EYA4: variants seen among roughly 807,000 people sequenced by gnomAD.
EYA4 encodes the protein protein phosphatase EYA4.
EYA4 carries 31 observed loss-of-function variants against 87.9 expected under a neutral mutation model. The ratio of observed to expected loss-of-function variants is 0.35; its 90% CI spans 0.27 to 0.48. The LOEUF (loss-of-function observed/expected upper bound fraction) is 0.48, where lower values mean the gene tolerates loss of function less well. EYA4 is among the 20% of genes least tolerant of loss of function. EYA4 has a pLI of 0.99. For missense variants in EYA4, 678 were observed against 761.4 expected (o/e 0.89, Z 1.29); for synonymous variants, 263 against 270.6 (o/e 0.97, Z 0.28).
At chr6:133,389,886 C>T (rs1392235479) in intron 3 of EYA4, among the ~76,000 whole-genome samples, 3 of 152,134 alleles carry the variant, frequency 2.0e-5, no homozygotes, top group Non-Finnish European at 4.4e-5. Context: ...CACCTCACTG[C>T]CACTATGAAA....
intron 13 of EYA4, among the ~76,000 whole-genome samples, chr6:133,491,274 C>T (rs577823055): frequency 2.4e-4 from 36 of 151,676 alleles, no homozygotes; most frequent in Non-Finnish European, 3.7e-4. Flanking sequence ...TCAAATAAAC[C>T]ACCTAATGAT....
chr6:133,242,086 A>C (rs1190543621), intron 1 of EYA4, among the ~76,000 whole-genome samples: 3 of 152,220 alleles, frequency 2.0e-5, no homozygotes, highest in African/African-American at 7.2e-5. Flanking sequence ...CCAGCAGTCC[A>C]GCGCGCGGCT....
At chr6:133,259,816 T>C (rs1775645936) in intron 1 of EYA4, among the ~76,000 whole-genome samples, 1 of 152,210 alleles carries the variant, frequency 6.6e-6, no homozygotes, top group African/African-American at 2.4e-5. Context: ...TGTCACACCT[T>C]GATTCCTGAG....
At chr6:133,407,417 A>G (rs980749984) in intron 3 of EYA4, among the ~76,000 whole-genome samples, 5 of 152,108 alleles carry the variant, frequency 3.3e-5, no homozygotes, top group South Asian at 4.1e-4. Context: ...AACTCTTTCC[A>G]AATCACCAGG....
chr6:133,286,540 A>G (rs191177465), intron 2 of EYA4, among the ~76,000 whole-genome samples: 3 of 152,250 alleles, frequency 2.0e-5, no homozygotes, highest in Admixed American at 6.5e-5. Flanking sequence ...GCAATGAGTT[A>G]TGTCATAGAC....
chr6:133,318,176 A>C (rs1470676562), intron 2 of EYA4, among the ~76,000 whole-genome samples: 1 of 152,178 alleles, frequency 6.6e-6, no homozygotes. Context: ...TTTTTGCTGA[A>C]GCATGGCAAT....
chr6:133,417,797 G>C (rs1176459619), intron 3 of EYA4, among the ~76,000 whole-genome samples: 3 of 152,148 alleles, frequency 2.0e-5, no homozygotes, highest in Admixed American at 2.0e-4. Flanking sequence ...TTAAATGTTT[G>C]CCTAAAGTCA....
At chr6:133,260,169 A>G (rs1775681826) in intron 1 of EYA4, among the ~76,000 whole-genome samples, 1 of 151,596 alleles carries the variant, frequency 6.6e-6, no homozygotes, top group Admixed American at 6.6e-5. Flanking sequence ...CTGTAGTTTC[A>G]CATTCTTAGA....
At chr6:133,385,162 G>T (rs1043865408) in intron 3 of EYA4, among the ~76,000 whole-genome samples, 1 of 151,818 alleles carries the variant, frequency 6.6e-6, no homozygotes, top group African/African-American at 2.4e-5. Flanking sequence ...AGCCAGGCGT[G>T]GTGGCAGGCG....
intron 7 of EYA4, 62 bp from the exon 8 acceptor site, chr6:133,462,273 A>C (rs1371229706): frequency 1.3e-6 from 2 of 1,546,042 alleles, no homozygotes; most frequent in Admixed American, 3.3e-5. Context: ...CACTGAATCT[A>C]GGCTGTCTAA....
intron 3 of EYA4, among the ~76,000 whole-genome samples, chr6:133,388,306 C>T (rs1583143050): frequency 1.3e-5 from 2 of 151,288 alleles, no homozygotes; most frequent in Admixed American, 6.6e-5. Flanking sequence ...ACTTGGGAGG[C>T]TGAGGCACGA....
chr6:133,478,847 T>C (rs1455612287), intron 11 of EYA4, among the ~76,000 whole-genome samples: 1 of 152,188 alleles, frequency 6.6e-6, no homozygotes, highest in African/African-American at 2.4e-5. Flanking sequence ...AGCTGCTGGA[T>C]CCCAGTTCAT....
intron 13 of EYA4, among the ~76,000 whole-genome samples, chr6:133,487,081 G>C (rs1282888434): frequency 6.6e-6 from 1 of 152,180 alleles, no homozygotes; most frequent in African/African-American, 2.4e-5. Context: ...CTGTGCACTT[G>C]GGGGAGGGAG....
chr6:133,341,492 T>A (rs915815827), intron 2 of EYA4, among the ~76,000 whole-genome samples: 1 of 152,172 alleles, frequency 6.6e-6, no homozygotes, highest in Non-Finnish European at 1.5e-5. Context: ...AGTGGAGCCC[T>A]TTATGAAATC....
intron 17 of EYA4, among the ~76,000 whole-genome samples, chr6:133,519,722 T>C (rs562112385): frequency 5.3e-5 from 8 of 150,852 alleles, no homozygotes; most frequent in South Asian, 2.1e-4. Context: ...ATATCCTTGA[T>C]GAACATTGAT....
At chr6:133,454,247 A>G (rs1287524097) in intron 5 of EYA4, among the ~76,000 whole-genome samples, 1 of 152,192 alleles carries the variant, frequency 6.6e-6, no homozygotes, top group African/African-American at 2.4e-5. Context: ...TGCAAGTAGA[A>G]GTCAGAAGCT....
At chr6:133,353,883 A>G (rs1047625570) in intron 2 of EYA4, among the ~76,000 whole-genome samples, 38 of 152,172 alleles carry the variant, frequency 2.5e-4, no homozygotes, top group Non-Finnish European at 5.4e-4. Context: ...TCAAGAGGCT[A>G]CTGTTTTCGT....
chr6:133,276,899 GTCAAAAAAAAAAAAA>G lies in EYA4; in HGVS notation c.33+2087_33+2101del, dbSNP rs67148130. 0.013 allele frequency among the ~76,000 whole-genome samples: 878 copies of G among 68,254 alleles called. 56 individuals are homozygous for G. In the East Asian group the frequency reaches 0.26, roughly 21 times the overall value. 44.8% of individuals were successfully genotyped at this position (68,254 alleles called of 152,430 possible). A position where few individuals can be genotyped will look rare whatever the true frequency, so the allele number is the denominator to read the frequency against. ...TGCATATTGTGGCATTTATAGAAAT[GTCAAAAAAAAAAAAA>G]AAAAGAAAAGAAAAAGAATCAGCCC... On this transcript the variant is annotated intron_variant, in intron 2 of 19. Coordinates refer to ENST00000355286, the MANE Select transcript of EYA4 (RefSeq NM_004100.5).
chr6:133,279,725 T>C (rs912376665), intron 2 of EYA4, among the ~76,000 whole-genome samples: 1 of 152,142 alleles, frequency 6.6e-6, no homozygotes, highest in East Asian at 1.9e-4. Context: ...CAGATCTTTG[T>C]TCCTAGAGAT....
Sources: allele counts gnomAD v4.1 joint callset (sites outside exome capture counted in the v4.1 genomes callset), GRCh38; gene constraint gnomAD v4.1.1; transcripts MANE v1.5; gene names NCBI Gene and HGNC (gene_info 2026-07-23, HGNC 2026-07-21).